USP45: variants seen among roughly 807,000 people sequenced by gnomAD.
USP45 encodes ubiquitin specific peptidase 45.
USP45 carries 89 observed loss-of-function variants against 95.8 expected under a neutral mutation model. The ratio of observed to expected loss-of-function variants is 0.93; its 90% CI spans 0.78 to 1.11. The LOEUF (loss-of-function observed/expected upper bound fraction) is 1.11. Ranked by LOEUF, USP45 falls within the 50% of genes least tolerant of loss-of-function variation. The probability of loss-of-function intolerance (pLI) is 0.00; values close to 1 mark genes in which losing one functional copy is unlikely to be tolerated. For synonymous variants in USP45, 281 were observed against 316.2 expected (o/e 0.89, Z 1.18); for missense variants, 898 against 942.5 (o/e 0.95, Z 0.62).
At chr6:99,513,380 G>T (rs1409725469) in intron 1 of USP45, among the ~76,000 whole-genome samples, 1 of 152,044 alleles carries the variant, frequency 6.6e-6, no homozygotes, top group Non-Finnish European at 1.5e-5. Context: ...ACCAAAAACT[G>T]ATCTAGTCTT....
In USP45 at chr6:99,435,748, C is replaced by T; in HGVS notation, c.2413G>A (p.Ala805Thr). 3 of 1,613,482 alleles carry T rather than the reference C, an allele frequency of 1.9e-6. No homozygotes were observed. Among genetic ancestry groups the T allele is most frequent in the Non-Finnish European group, 2.5e-6 (3 of 1,179,518 alleles). Residue 805 changes from alanine to threonine, a missense_variant, in exon 18 of 18, where the codon GCC (alanine) becomes ACC (threonine). Coordinates refer to ENST00000500704, the MANE Select transcript of USP45 (RefSeq NM_001346022.3). ...VPESRALSAQ[A>T]YLLFYERVL ...ACTCTTTCATAGAAAAGAAGGTAGG[C>T]TTGTGCACTAAGTGCTCTTGATTCT...
intron 13 of USP45, among the ~76,000 whole-genome samples, chr6:99,455,369 T>G (rs1448438542): frequency 6.6e-6 from 1 of 152,060 alleles, no homozygotes; most frequent in East Asian, 1.9e-4. Flanking sequence ...GAGAATCACT[T>G]GAACCCAGGA....
intron 7 of USP45, among the ~76,000 whole-genome samples, chr6:99,485,469 T>A (rs1255490068): frequency 6.6e-6 from 1 of 152,204 alleles, no homozygotes; most frequent in East Asian, 1.9e-4. Context: ...CAAAATAATG[T>A]ATATAGTAAG....
In USP45 at chr6:99,445,266, T is replaced by C. The variant is rs545757711; in HGVS notation, c.1975+531A>G. On this transcript the variant is annotated intron_variant, in intron 14 of 17. Transcript: ENST00000500704. ...TTGGGAGGCCAAGGCGGGTGGATCATGAGGTCAGGCATTCAAGACCAGCCT... is the reference window on the plus strand; with the variant it reads ...TTGGGAGGCCAAGGCGGGTGGATCACGAGGTCAGGCATTCAAGACCAGCCT... Among the ~76,000 whole-genome samples the C allele has an allele frequency of 4.3e-4, 66 of 152,156 alleles. 1 individual carries two copies. The highest frequency in any genetic ancestry group is 1.4e-3 in the African/African-American group (60 of 41,528).
rs1433196087 is a variant in USP45, at chr6:99,503,877, T to C, written c.378-12A>G. ...CACATTCATAACACCTGAAAAAGTA[T>C]AAAATTTAAGAAAATATTATGAAAA... On this transcript the variant is annotated splice_polypyrimidine_tract_variant and intron_variant, in intron 4 of 17. Transcript: ENST00000500704. The C allele has an allele frequency of 6.7e-6, 10 of 1,494,986 alleles. No homozygotes were observed. The East Asian group carries it at 7.0e-5, about 10-fold the overall frequency. 92.6% of individuals were successfully genotyped at this position (1,494,986 alleles called of 1,614,324 possible).
chr6:99,476,688 G>A (rs561105336), intron 8 of USP45, among the ~76,000 whole-genome samples: 1 of 152,256 alleles, frequency 6.6e-6, no homozygotes, highest in African/African-American at 2.4e-5. Flanking sequence ...TTACACATGA[G>A]GACTCAGCAG....
chr6:99,487,074 G>T (rs1794088599), intron 7 of USP45, among the ~76,000 whole-genome samples: 1 of 152,086 alleles, frequency 6.6e-6, no homozygotes, highest in South Asian at 2.1e-4. Flanking sequence ...CCTGAAGGTG[G>T]GTTTCAGGAA....
chr6:99,487,738 T>C (rs939208473), intron 7 of USP45, among the ~76,000 whole-genome samples: 1 of 151,140 alleles, frequency 6.6e-6, no homozygotes, highest in Non-Finnish European at 1.5e-5. Context: ...GAGCTTGCAG[T>C]GAGCTGAGAT....
At chr6:99,497,892 G>A (rs557599018) in intron 5 of USP45, among the ~76,000 whole-genome samples, 16 of 152,250 alleles carry the variant, frequency 1.1e-4, no homozygotes, top group Non-Finnish European at 2.2e-4. Flanking sequence ...TTCTTTGCCT[G>A]GAACACACAA....
chr6:99,481,797 G>C (rs1236408571), intron 8 of USP45, among the ~76,000 whole-genome samples: 1 of 152,072 alleles, frequency 6.6e-6, no homozygotes, highest in Admixed American at 6.6e-5. Context: ...AATTCACTTA[G>C]AATAATGGCC....
At chr6:99,440,206 T>C (rs1781261355) in intron 15 of USP45, among the ~76,000 whole-genome samples, 1 of 152,186 alleles carries the variant, frequency 6.6e-6, no homozygotes, top group Admixed American at 6.5e-5. Flanking sequence ...AGATTGGTGT[T>C]CTAGGCCTAA....
intron 7 of USP45, among the ~76,000 whole-genome samples, chr6:99,485,936 T>C (rs1793764892): frequency 6.6e-6 from 1 of 152,166 alleles, no homozygotes; most frequent in Non-Finnish European, 1.5e-5. Flanking sequence ...TCAACATCCA[T>C]TCCGATAAAA....
intron 7 of USP45, among the ~76,000 whole-genome samples, chr6:99,483,881 A>T (rs1793094947): frequency 6.6e-6 from 1 of 151,074 alleles, no homozygotes; most frequent in South Asian, 2.1e-4. Context: ...ATCTTCCAAG[A>T]TAACTATTGA....
intron 15 of USP45, among the ~76,000 whole-genome samples, chr6:99,441,848 C>G (rs1050070145): frequency 6.6e-6 from 1 of 152,138 alleles, no homozygotes; most frequent in African/African-American, 2.4e-5. Context: ...ATCTTTAAGA[C>G]TCTTTATATA....
rs555361593 is a variant in USP45, at chr6:99,502,774, TAGTC to T, written c.478+987_478+990del. ...CATCACTTTGGTGCTGTTCTCATGA[TAGTC>T]AGTGTGTTCTCACAAGATCTAGTTG... On this transcript the variant is annotated intron_variant, in intron 5 of 17. Transcript: ENST00000500704. 7.8e-4 allele frequency among the ~76,000 whole-genome samples: 119 copies of T among 152,316 alleles called. 1 individual carries two copies. The highest frequency in any genetic ancestry group is 2.8e-3 in the Admixed American group (43 of 15,298).
At chr6:99,489,951 A>G (rs552626386) in intron 5 of USP45, among the ~76,000 whole-genome samples, 1 of 152,220 alleles carries the variant, frequency 6.6e-6, no homozygotes, top group Admixed American at 6.5e-5. Flanking sequence ...ACTCTGTCTC[A>G]AAAGAAAAAA....
intron 7 of USP45, among the ~76,000 whole-genome samples, chr6:99,486,449 T>C (rs1007402549): frequency 3.9e-5 from 6 of 152,114 alleles, no homozygotes; most frequent in Non-Finnish European, 8.8e-5. Flanking sequence ...GACTAGGCAA[T>C]AACTTCCCTT....
chr6:99,504,297 G>A (rs1164167697), intron 4 of USP45, among the ~76,000 whole-genome samples: 3 of 152,162 alleles, frequency 2.0e-5, no homozygotes, highest in East Asian at 3.9e-4. Context: ...GCACCACTAC[G>A]CCCAGCTAAT....
intron 5 of USP45, chr6:99,502,142 G>T (rs1404306126): frequency 9.9e-7 from 1 of 1,013,012 alleles, no homozygotes; most frequent in East Asian, 7.1e-5. Context: ...CAAAACTCCA[G>T]TGAGCTTCCT....
Sources: gnomAD v4.1 joint callset for allele counts (sites outside exome capture counted in the v4.1 genomes callset) on GRCh38, gnomAD v4.1.1 for gene constraint, MANE v1.5 for transcripts, NCBI Gene and HGNC (gene_info 2026-07-23, HGNC 2026-07-21) for gene names.